Variants in KDM6B observed in about 807,000 individuals in gnomAD.
The protein encoded by KDM6B is lysine-specific demethylase 6B.
A neutral mutation model predicts 150.4 loss-of-function variants in KDM6B; 22 were observed. The ratio of observed to expected loss-of-function variants is 0.15; its 90% CI spans 0.10 to 0.21. The LOEUF is 0.21. KDM6B is among the 10% of genes least tolerant of loss of function. KDM6B has a pLI of 1.00. For synonymous variants in KDM6B, 1,148 were observed against 921.1 expected (o/e 1.25, Z -4.46); for missense variants, 1,984 against 2,234.3 (o/e 0.89, Z 2.26).
Position 7,846,686 on chromosome 17 carries a change from G to A in KDM6B, c.657G>A (p.Gly219=). 1 of 1,614,142 alleles carries A rather than the reference G, an allele frequency of 6.2e-7. No individual in the cohort carries two copies. Among genetic ancestry groups the A allele is most frequent in the African/African-American group, 1.3e-5 (1 of 75,040 alleles). ...CTGCAGCACTCTCAGGCCCCTCAGG[G>A]GAGGAGGGCCTCAGCCCTGGAGGCA... The part of the protein sequence containing the change: ...VPPAALSGPS[G]EEGLSPGGKR... Residue 219 remains glycine (G), a synonymous_variant, in exon 9 of 24, where the codon GGG becomes GGA. Transcript: ENST00000448097.
At position 7,834,338 on chromosome 17, in the gene KDM6B, C is replaced by A. The variant is rs1018832655; in HGVS notation, c.-400C>A. Reference sequence around the variant, plus strand: ...TGGGGAGCCTGAACACCTGGGACCCCCCCCAGAACCAGGTAACGGGGAGCC... The same window carrying A: ...TGGGGAGCCTGAACACCTGGGACCCACCCCAGAACCAGGTAACGGGGAGCC... On this transcript the variant is annotated 5_prime_UTR_variant, in exon 1 of 24. Coordinates refer to ENST00000448097, the MANE Select transcript of KDM6B (RefSeq NM_001348716.2). Among the ~76,000 whole-genome samples the A allele has an allele frequency of 6.6e-6, 1 of 151,994 alleles. No individual in the cohort carries two copies. Among genetic ancestry groups the A allele is most frequent in the Non-Finnish European group, 1.5e-5 (1 of 67,972 alleles).
At chr17:7,840,137 A>G (rs1019061101) in intron 2 of KDM6B, 113 bp downstream of exon 2, 7 of 152,620 alleles carry the variant, frequency 4.6e-5, no homozygotes, top group African/African-American at 1.7e-4. Flanking sequence ...GTCCAGTCCA[A>G]TTCTAAGCAC....
rs746400636 is a variant in KDM6B, at chr17:7,846,864, C to CCACCAT, written c.762_763insTCACCA (p.Pro254_Pro255insSerPro). On this transcript the variant is annotated inframe_insertion, in exon 10 of 24. Coordinates refer to ENST00000448097, the MANE Select transcript of KDM6B (RefSeq NM_001348716.2). ...GCCACTGCCTCCACCACCATTACCA[C>CCACCAT]CACCACCACCACCACCACCACCACC... The CCACCAT allele has an allele frequency of 4.0e-6, 5 of 1,252,436 alleles. No homozygotes were observed. In the South Asian group the frequency reaches 8.5e-5, roughly 21 times the overall value. The allele number at this position is 1,252,436 out of a possible 1,614,324, so 77.6% of individuals were successfully genotyped here. A position where few individuals can be genotyped will look rare whatever the true frequency, so the allele number is the denominator to read the frequency against.
intron 2 of KDM6B, among the ~76,000 whole-genome samples, chr17:7,842,291 G>T (rs938053986): frequency 1.7e-4 from 26 of 152,214 alleles, no homozygotes; most frequent in Admixed American, 1.6e-3. Flanking sequence ...GCTGGGCTTC[G>T]CCGGGAGTGC....
rs1567807437 is a variant in KDM6B, at chr17:7,854,420, TAAAATAA to T, written c.*904_*910del. 6.6e-6 allele frequency: 1 copy of T among 151,960 alleles called. No individual in the cohort carries two copies. Among genetic ancestry groups the T allele is most frequent in the African/African-American group, 2.4e-5 (1 of 41,266 alleles). 9.4% of individuals were successfully genotyped at this position (151,960 alleles called of 1,614,324 possible). A position where few individuals can be genotyped will look rare whatever the true frequency, so the allele number is the denominator to read the frequency against. Reference sequence around the variant, plus strand: ...AATGGTATTTTGTAAAAAAAATAAATAAAATAAAAAAATTAAAGGTTTTAAAGAAAGA... The same window carrying T: ...AATGGTATTTTGTAAAAAAAATAAATAAAAATTAAAGGTTTTAAAGAAAGA... On this transcript the variant is annotated 3_prime_UTR_variant, in exon 24 of 24. Transcript: ENST00000448097.
Position 7,851,072 on chromosome 17 carries a change from C to T in KDM6B, c.3725C>T (p.Thr1242Ile), listed in dbSNP as rs2078683738. ...CTGGTGGAAGCGAGTGGCGAACACA[C>T]CGTGGAAGTTCGCACCCAGGTGCAG... is the stretch of plus-strand genomic sequence containing the variant. ...KTLVEASGEH[T>I]VEVRTQVQQP... The change falls in exon 15 of 24, where the codon ACC becomes ATC. Residue 1242 changes from threonine to isoleucine, a missense_variant. Physicochemically the swap from Thr to Ile is moderately conservative, Grantham distance 89. Transcript: ENST00000448097. 1 of 1,613,388 alleles carries T rather than the reference C, an allele frequency of 6.2e-7. No individual in the cohort carries two copies.
chr17:7,841,593 C>T (rs537451428), intron 2 of KDM6B, among the ~76,000 whole-genome samples: 2 of 152,262 alleles, frequency 1.3e-5, no homozygotes, highest in African/African-American at 4.8e-5. Flanking sequence ...ATGACAGGAA[C>T]GCGTCAGACA....
At position 7,845,931 on chromosome 17, in the gene KDM6B, G is replaced by A. The variant is rs773477615; in HGVS notation, c.197G>A (p.Ser66Asn). The change falls in exon 6 of 24, where the codon AGT (serine) becomes AAT (asparagine). Residue 66 changes from serine to asparagine, a missense_variant. Physicochemically the swap from Ser to Asn is conservative, Grantham distance 46. This residue lies in a region of KDM6B where 337 missense variants were observed against 323.9 expected (regional missense o/e 1.04). Transcript: ENST00000448097. ...LPAPLPPSHGSSSGHPSKPYY... is the reference protein window; with the variant it reads ...LPAPLPPSHGNSSGHPSKPYY... ...GCTCCCCTACCCCCTTCACATGGCA[G>A]TAGTTCTGGGCACCCCAGCAAACCA... 7.4e-6 allele frequency: 12 copies of A among 1,614,120 alleles called. No individual in the cohort carries two copies. Among genetic ancestry groups the A allele is most frequent in the Non-Finnish European group, 9.3e-6 (11 of 1,179,956 alleles).
Position 7,846,593 on chromosome 17 carries a change from T to C in KDM6B, c.564T>C (p.Tyr188=). 1 of 1,614,092 alleles carries C rather than the reference T, an allele frequency of 6.2e-7. No homozygotes were observed. The highest frequency in any genetic ancestry group is 8.5e-7 in the Non-Finnish European group (1 of 1,179,992). Reference sequence around the variant, plus strand: ...TTTGTTCTCAGCACAAACGGAACTATGGAGCCAAGCGGGGAGGTCCCCCGG... The same window carrying C: ...TTTGTTCTCAGCACAAACGGAACTACGGAGCCAAGCGGGGAGGTCCCCCGG... The part of the protein sequence containing the change: ...NLLHLEHKRN[Y]GAKRGGPPVK... The change falls in exon 9 of 24, where the codon TAT becomes TAC. Residue 188 remains tyrosine, a synonymous_variant. Transcript: ENST00000448097.
rs749839562 is a variant in KDM6B at position 7,846,291 on chromosome 17, G to A, written c.450G>A (p.Leu150=). 10 of 1,612,568 alleles carry A rather than the reference G, an allele frequency of 6.2e-6. No individual in the cohort carries two copies. Among genetic ancestry groups the A allele is most frequent in the Non-Finnish European group, 8.5e-6 (10 of 1,179,376 alleles). ...FAELGPRIGR[L]QQAQLWNFHT... is the part of the protein sequence containing the mutation. Reference sequence around the variant, plus strand: ...AGCTGGGGCCCCGCATTGGCCGACTGCAGCAGGTAGGAGAAGGCAGGGCGT... The same window carrying A: ...AGCTGGGGCCCCGCATTGGCCGACTACAGCAGGTAGGAGAAGGCAGGGCGT... Residue 150 remains leucine (L), a synonymous_variant, in exon 7 of 24, where the codon CTG becomes CTA. Transcript: ENST00000448097.
rs767751477 is a variant in KDM6B at position 7,852,997 on chromosome 17, C to A, written c.4611-3C>A. The A allele has an allele frequency of 3.9e-5, 63 of 1,613,752 alleles. No individual in the cohort carries two copies. Among genetic ancestry groups the A allele is most frequent in the Non-Finnish European group, 5.2e-5 (61 of 1,180,038 alleles). On this transcript the variant is annotated splice_region_variant and splice_polypyrimidine_tract_variant and intron_variant, in intron 21 of 23. Coordinates refer to ENST00000448097, the MANE Select transcript of KDM6B (RefSeq NM_001348716.2). ...GTCTCAACACAACCCCACTGCTCCC[C>A]AGGTTCTGCCTGCTGCAGTCCATGA...
At position 7,845,507 on chromosome 17, in the gene KDM6B, GT is replaced by G. The variant is rs753768168; in HGVS notation, c.-5-39del. The G allele has an allele frequency of 1.1e-5, 17 of 1,613,284 alleles. No homozygotes were observed. In the South Asian group the frequency reaches 1.9e-4, roughly 18 times the overall value. ...GGCTGGATGTACACTGGCAGCTCTG[GT>G]TTTGCCTCCAGTAAGAGCATAATTT... is the stretch of plus-strand genomic sequence containing the variant. On this transcript the variant is annotated intron_variant, in intron 4 of 23. Coordinates refer to ENST00000448097, the MANE Select transcript of KDM6B (RefSeq NM_001348716.2).
Position 7,847,001 on chromosome 17 carries a change from A to G in KDM6B, c.894A>G (p.Ala298=), listed in dbSNP as rs140168709. 39 of 1,612,884 alleles carry G rather than the reference A, an allele frequency of 2.4e-5. No individual in the cohort carries two copies. In the African/African-American group the frequency reaches 5.1e-4, roughly 21 times the overall value. ...GGGGCCCAGAGCGCAAGGGTTCAGCACCCCCAGAGCGCCAGGTGAGCCCCT... is the reference window on the plus strand; with the variant it reads ...GGGGCCCAGAGCGCAAGGGTTCAGCGCCCCCAGAGCGCCAGGTGAGCCCCT... ...DAWGPERKGS[A]PPERQEQRHS... The change falls in exon 10 of 24, where the codon GCA becomes GCG. Residue 298 remains alanine (A), a synonymous_variant. Coordinates refer to ENST00000448097, the MANE Select transcript of KDM6B (RefSeq NM_001348716.2).
intron 21 of KDM6B, 92 bp downstream of exon 21, chr17:7,852,728 C>T: frequency 6.5e-7 from 1 of 1,547,722 alleles, no homozygotes. Flanking sequence ...TTACCTCTCT[C>T]CATCCTTGTC....
chr17:7,849,161 C>T lies in KDM6B; in HGVS notation c.2873C>T (p.Ala958Val), dbSNP rs768082390. ...GTERLLPPAQ[A>V]KEEAGGVAAV... is the part of the protein sequence containing the mutation. ...GAGCGACTGCTGCCCCCCGCACAGG[C>T]CAAGGAGGAGGCTGGCGGGGTGGCG... Residue 958 changes from alanine to valine, a missense_variant, in exon 12 of 24, where the codon GCC becomes GTC. Physicochemically the swap from Ala to Val is moderately conservative, Grantham distance 64 (BLOSUM62 0). This residue lies in a region of KDM6B where 1,379 missense variants were observed against 1,275.6 expected (regional missense o/e 1.08). Coordinates refer to ENST00000448097, the MANE Select transcript of KDM6B (RefSeq NM_001348716.2). The T allele has an allele frequency of 1.2e-6, 2 of 1,611,216 alleles. No homozygotes were observed. Among genetic ancestry groups the T allele is most frequent in the African/African-American group, 2.7e-5 (2 of 74,922 alleles).
At position 7,849,842 on chromosome 17, in the gene KDM6B, G is replaced by T; in HGVS notation, c.3462G>T (p.Lys1154Asn). Residue 1154 changes from lysine to asparagine, a missense_variant, in exon 13 of 24, where the codon AAG (lysine) becomes AAT (asparagine). By Grantham distance (94) the Lys-to-Asn change is moderately conservative. Coordinates refer to ENST00000448097, the MANE Select transcript of KDM6B (RefSeq NM_001348716.2). ...RASRNAKVKGKFRESYLSPAQ... is the reference protein window; with the variant it reads ...RASRNAKVKGNFRESYLSPAQ... ...GCAGGAATGCCAAGGTGAAAGGGAA[G>T]TTTCGAGAGTCCTACCTTTCCCCTG... 6.2e-7 allele frequency: 1 copy of T among 1,613,202 alleles called. No individual in the cohort carries two copies. The highest frequency in any genetic ancestry group is 8.5e-7 in the Non-Finnish European group (1 of 1,180,016).
At position 7,849,923 on chromosome 17, in the gene KDM6B, C is replaced by T; in HGVS notation, c.3543C>T (p.Leu1181=). 1 of 1,613,612 alleles carries T rather than the reference C, an allele frequency of 6.2e-7. No individual in the cohort carries two copies. Among genetic ancestry groups the T allele is most frequent in the Non-Finnish European group, 8.5e-7 (1 of 1,180,036 alleles). ...AGGAGAAGCTGCCCCGGGAAAAACT[C>T]AACCCCCCTACACCCAGCATCTATG... is the stretch of plus-strand genomic sequence containing the variant. ...NTEEKLPREK[L]NPPTPSIYLE... is the part of the protein sequence containing the mutation. The change falls in exon 13 of 24, where the codon CTC becomes CTT. Residue 1181 remains leucine, a synonymous_variant. Coordinates refer to ENST00000448097, the MANE Select transcript of KDM6B (RefSeq NM_001348716.2).
In KDM6B at chr17:7,854,429, AAAATT is replaced by A. The variant is rs1229309930; in HGVS notation, c.*912_*916del. On this transcript the variant is annotated 3_prime_UTR_variant, in exon 24 of 24. Coordinates refer to ENST00000448097, the MANE Select transcript of KDM6B (RefSeq NM_001348716.2). ...TTGTAAAAAAAATAAATAAAATAAA[AAAATT>A]AAAGGTTTTAAAGAAAGAACTATGA... 6.6e-6 allele frequency: 1 copy of A among 152,374 alleles called. No individual in the cohort carries two copies. The highest frequency in any genetic ancestry group is 1.5e-5 in the Non-Finnish European group (1 of 68,032). 9.4% of individuals were successfully genotyped at this position (152,374 alleles called of 1,614,324 possible).
rs1050213009 is a variant in KDM6B at position 7,836,387 on chromosome 17, T to C, written c.-388+2037T>C. On this transcript the variant is annotated intron_variant, in intron 1 of 23. Coordinates refer to ENST00000448097, the MANE Select transcript of KDM6B (RefSeq NM_001348716.2). ...TATAACTCTTCCTCTCGCCGTGTCC[T>C]GGTTTCAACTCCACAGACTCCGCCC... 1.2e-4 allele frequency among the ~76,000 whole-genome samples: 19 copies of C among 152,320 alleles called. 1 individual carries two copies. Among genetic ancestry groups the C allele is most frequent in the South Asian group, 1.2e-3 (6 of 4,832 alleles).
Sources: allele counts gnomAD v4.1 joint callset (sites outside exome capture counted in the v4.1 genomes callset), GRCh38; gene constraint gnomAD v4.1.1; regional missense constraint gnomAD v4.1.1; transcripts MANE v1.5; gene names NCBI Gene and HGNC (gene_info 2026-07-23, HGNC 2026-07-21).